Variants in COG6 observed in about 807,000 individuals in gnomAD.
The protein encoded by COG6 is conserved oligomeric Golgi complex subunit 6.
COG6 carries 74 observed loss-of-function variants against 88.8 expected under a neutral mutation model. The ratio of observed to expected loss-of-function variants is 0.83; its 90% CI spans 0.69 to 1.01. COG6 has a LOEUF of 1.01. Ranked by LOEUF, COG6 falls within the 50% of genes least tolerant of loss-of-function variation. COG6 has a pLI of 0.00. For synonymous variants in COG6, 286 were observed against 278.7 expected (o/e 1.03, Z -0.26); for missense variants, 800 against 797.9 (o/e 1.00, Z -0.03).
intron 4 of COG6, among the ~76,000 whole-genome samples, chr13:39,666,652 A>G (rs915982722): frequency 1.3e-5 from 2 of 152,100 alleles, no homozygotes; most frequent in African/African-American, 4.8e-5. Context: ...AGATTGATGA[A>G]TGGGAAATTA....
At chr13:39,788,735 C>T (rs572082392) in exon 19 of COG6, 1 of 176,688 alleles carries the variant, frequency 5.7e-6, no homozygotes, top group East Asian at 1.4e-4. Context: ...TTCTAAATAA[C>T]TTTAGTGTTC....
chr13:39,740,516 G>C (rs1158752727), intron 18 of COG6, among the ~76,000 whole-genome samples: 1 of 152,166 alleles, frequency 6.6e-6, no homozygotes, highest in Non-Finnish European at 1.5e-5. Context: ...GTAGAGCCAT[G>C]ATTTGTATCC....
intron 8 of COG6, among the ~76,000 whole-genome samples, chr13:39,684,461 A>G (rs1876523134): frequency 6.6e-6 from 1 of 151,604 alleles, no homozygotes; most frequent in Non-Finnish European, 1.5e-5. Flanking sequence ...CGTGTTAGCC[A>G]GGATGGTCTC....
chr13:39,673,058 T>C (rs1318419836), intron 4 of COG6, among the ~76,000 whole-genome samples: 2 of 152,086 alleles, frequency 1.3e-5, no homozygotes, highest in Admixed American at 1.3e-4. Context: ...TTACGTCCTT[T>C]ACCCATTTTT....
At chr13:39,674,436 A>T (rs1471075770) in intron 4 of COG6, among the ~76,000 whole-genome samples, 1 of 152,158 alleles carries the variant, frequency 6.6e-6, no homozygotes, top group Non-Finnish European at 1.5e-5. Context: ...TTTCAAGAAA[A>T]AGAAAAGTAC....
At chr13:39,678,112 G>A (rs1308221563) in intron 5 of COG6, 2 of 439,094 alleles carry the variant, frequency 4.6e-6, no homozygotes, top group Non-Finnish European at 9.1e-6. Context: ...TGTCAACCTG[G>A]CTGGAGTGCA....
chr13:39,698,348 GTTTAT>G (rs1396443479), intron 12 of COG6, among the ~76,000 whole-genome samples: 1 of 151,802 alleles, frequency 6.6e-6, no homozygotes, highest in Non-Finnish European at 1.5e-5. Flanking sequence ...ATTCTATCCA[GTTTAT>G]TTTAGTATTT....
intron 15 of COG6, among the ~76,000 whole-genome samples, 194 bp downstream of exon 15, chr13:39,720,021 A>ACACACG (rs1346357371): frequency 6.6e-6 from 1 of 151,460 alleles, no homozygotes; most frequent in African/African-American, 2.4e-5. Flanking sequence ...ACACACACAC[A>ACACACG]CACACAAATT....
intron 18 of COG6, among the ~76,000 whole-genome samples, chr13:39,771,543 G>A (rs934469573): frequency 1.3e-5 from 2 of 152,220 alleles, no homozygotes; most frequent in African/African-American, 2.4e-5. Context: ...GGCACAGAAG[G>A]ATGGTCCTCT....
Position 39,752,274 on chromosome 13 carries a change from T to C in COG6, c.*1181T>C, listed in dbSNP as rs544870155. On this transcript the variant is annotated 3_prime_UTR_variant, in exon 19 of 19. Coordinates refer to ENST00000455146, the MANE Select transcript of COG6 (RefSeq NM_020751.3). ...ATTTTGAAAAGTAATAACATAAAAC[T>C]AGTATTTGTAGAAGATTATGTGTTG... is the stretch of plus-strand genomic sequence containing the variant. 4.5e-4 allele frequency: 404 copies of C among 891,792 alleles called. No homozygotes were observed. The highest frequency in any genetic ancestry group is 5.7e-4 in the Non-Finnish European group (380 of 669,702). 55.2% of individuals were successfully genotyped at this position (891,792 alleles called of 1,614,324 possible). A position where few individuals can be genotyped will look rare whatever the true frequency, so the allele number is the denominator to read the frequency against.
intron 1 of COG6, among the ~76,000 whole-genome samples, chr13:39,657,756 C>T (rs1311262335): frequency 2.0e-5 from 3 of 152,138 alleles, no homozygotes; most frequent in Admixed American, 2.0e-4. Flanking sequence ...ATGTCCTGGG[C>T]TTGGTTCTCT....
intron 18 of COG6, among the ~76,000 whole-genome samples, chr13:39,736,164 G>A (rs777327451): frequency 6.6e-6 from 1 of 151,782 alleles, no homozygotes; most frequent in Non-Finnish European, 1.5e-5. Context: ...CTATTTTCTA[G>A]ATCTTGTATG....
At chr13:39,721,122 C>G (rs989513937) in intron 15 of COG6, among the ~76,000 whole-genome samples, 1 of 152,040 alleles carries the variant, frequency 6.6e-6, no homozygotes, top group Non-Finnish European at 1.5e-5. Flanking sequence ...GTCACTAATT[C>G]AAGCCCAAAT....
At chr13:39,730,773 CAAAAAAA>C (rs569292449) in intron 18 of COG6, among the ~76,000 whole-genome samples, 19 of 39,466 alleles carry the variant, frequency 4.8e-4, no homozygotes, top group African/African-American at 7.4e-4. Context: ...GACTCCATCT[CAAAAAAA>C]AAAAAAAAAA....
chr13:39,782,026 A>G (rs1408785950), intron 18 of COG6, among the ~76,000 whole-genome samples: 1 of 152,210 alleles, frequency 6.6e-6, no homozygotes, highest in Admixed American at 6.5e-5. Flanking sequence ...GGGAGATGAT[A>G]GCATTCATTG....
At chr13:39,703,686 G>T (rs571127495) in intron 13 of COG6, among the ~76,000 whole-genome samples, 1 of 151,942 alleles carries the variant, frequency 6.6e-6, no homozygotes, top group Non-Finnish European at 1.5e-5. Context: ...TCTATTAGTG[G>T]GGAAATGATA....
At chr13:39,686,931 T>C (rs1039540229) in intron 8 of COG6, among the ~76,000 whole-genome samples, 9 of 151,980 alleles carry the variant, frequency 5.9e-5, no homozygotes, top group African/African-American at 2.2e-4. Context: ...GGTTTCATTA[T>C]TTTGCCCAGG....
At chr13:39,663,147 C>T (rs1354721891) in intron 3 of COG6, among the ~76,000 whole-genome samples, 1 of 151,616 alleles carries the variant, frequency 6.6e-6, no homozygotes, top group Non-Finnish European at 1.5e-5. Context: ...TCATCTTTAA[C>T]ATTTAAGATA....
intron 13 of COG6, among the ~76,000 whole-genome samples, chr13:39,699,837 A>G (rs1877477791): frequency 6.6e-6 from 1 of 151,808 alleles, no homozygotes; most frequent in Non-Finnish European, 1.5e-5. Context: ...TGGAGATGGC[A>G]TCTCAGGCTC....
Sources: gnomAD v4.1 joint callset for allele counts (sites outside exome capture counted in the v4.1 genomes callset) on GRCh38, gnomAD v4.1.1 for gene constraint, MANE v1.5 for transcripts, NCBI Gene and HGNC (gene_info 2026-07-23, HGNC 2026-07-21) for gene names.